The following SYTL5 variants were observed in gnomAD, a reference collection of about 807,000 sequenced individuals.
The protein encoded by SYTL5 is synaptotagmin-like protein 5.
Under a neutral mutation model 55.9 loss-of-function variants are expected in SYTL5, and 34 were observed. That is an observed-to-expected ratio of 0.61 (90% CI 0.46 to 0.81). The LOEUF is 0.81. Among genes scored for constraint, SYTL5 ranks in the 30% least tolerant of loss-of-function variants. SYTL5 has a pLI of 0.00. For synonymous variants in SYTL5, 221 were observed against 188.7 expected (o/e 1.17, Z -1.40); for missense variants, 637 against 546.7 (o/e 1.17, Z -1.65).
chrX:38,071,925 C>G, intron 3 of SYTL5, 122 bp from the exon 4 acceptor site: 1 of 478,918 alleles, frequency 2.1e-6, no homozygotes, highest in Non-Finnish European at 3.7e-6. Flanking sequence ...CCATAAAATA[C>G]TCCAGAGATT....
chrX:38,018,897 C>T (rs1363688458), intron 1 of SYTL5, among the ~76,000 whole-genome samples: 1 of 111,915 alleles, frequency 8.9e-6, no homozygotes, highest in African/African-American at 3.3e-5. Flanking sequence ...TTCCTAATCT[C>T]TCCCTGGCAC....
At chrX:38,001,881 A>G (rs1208588330), upstream of SYTL5, among the ~76,000 whole-genome samples, 1 of 110,989 alleles carries the variant, frequency 9.0e-6, no homozygotes, top group Non-Finnish European at 1.9e-5. Flanking sequence ...ATTTTTTACT[A>G]TACTTTAAGT....
chrX:37,986,856 T>C, the SYTL5 span, among the ~76,000 whole-genome samples: 1 of 111,895 alleles, frequency 8.9e-6, no homozygotes, highest in Non-Finnish European at 1.9e-5. Context: ...TTATAACTCA[T>C]AAGAGTTTTA....
chrX:37,892,605 T>A, the SYTL5 span, among the ~76,000 whole-genome samples: 1 of 95,089 alleles, frequency 1.1e-5, no homozygotes, highest in Non-Finnish European at 2.0e-5. Context: ...TGTATGTATA[T>A]AATTGTATAT....
chrX:37,987,749 C>G, the SYTL5 span, among the ~76,000 whole-genome samples: 1 of 112,064 alleles, frequency 8.9e-6, no homozygotes, highest in African/African-American at 3.2e-5. Flanking sequence ...ACCCTTATTT[C>G]TTTGTGTGAG....
At chrX:38,103,557 G>A (rs936413479) in intron 10 of SYTL5, among the ~76,000 whole-genome samples, 15 of 110,472 alleles carry the variant, frequency 1.4e-4, no homozygotes, top group African/African-American at 4.9e-4. Flanking sequence ...AGTGATATAA[G>A]GAGGTAATCA....
chrX:38,064,458 T>C (rs1233678975), intron 3 of SYTL5, among the ~76,000 whole-genome samples: 3 of 111,607 alleles, frequency 2.7e-5, no homozygotes, highest in Non-Finnish European at 5.7e-5. Context: ...GCTTTTCATA[T>C]ATTTATTAGC....
At chrX:38,104,561 G>A (rs1049651692) in intron 10 of SYTL5, among the ~76,000 whole-genome samples, 2 of 112,019 alleles carry the variant, frequency 1.8e-5, no homozygotes, top group Non-Finnish European at 3.8e-5. Flanking sequence ...TGCCCGTGAA[G>A]AAGCTTAGAA....
chrX:37,996,941 G>A, the SYTL5 span, among the ~76,000 whole-genome samples: 1 of 112,454 alleles, frequency 8.9e-6, no homozygotes, highest in African/African-American at 3.2e-5. Flanking sequence ...CTGGACAGCA[G>A]ATGAGATCAT....
intron 3 of SYTL5, among the ~76,000 whole-genome samples, chrX:38,061,633 A>G (rs985124469): frequency 1.8e-5 from 2 of 111,953 alleles, no homozygotes; most frequent in Non-Finnish European, 3.8e-5. Context: ...CGATTACAGC[A>G]AGGACTGACA....
the SYTL5 span, among the ~76,000 whole-genome samples, chrX:37,985,885 T>C: frequency 2.7e-5 from 3 of 111,562 alleles, no homozygotes; most frequent in African/African-American, 9.8e-5. Flanking sequence ...TATAGTCAAA[T>C]GATTTTTGAC....
At chrX:37,963,648 T>C in the SYTL5 span, among the ~76,000 whole-genome samples, 1 of 112,017 alleles carries the variant, frequency 8.9e-6, no homozygotes, top group Non-Finnish European at 1.9e-5. Context: ...CTGGAGTATT[T>C]AGGGTTTTCT....
the SYTL5 span, among the ~76,000 whole-genome samples, chrX:37,954,338 A>G: frequency 9.0e-6 from 1 of 111,707 alleles, no homozygotes; most frequent in Admixed American, 9.5e-5. Flanking sequence ...TTGTCTTCTC[A>G]CCCAGTCTGT....
At chrX:37,904,324 T>C in the SYTL5 span, among the ~76,000 whole-genome samples, 1 of 103,955 alleles carries the variant, frequency 9.6e-6, no homozygotes, top group African/African-American at 3.5e-5. Context: ...TTCATTAAAA[T>C]TAAACTTGAA....
At chrX:37,981,010 C>G in the SYTL5 span, among the ~76,000 whole-genome samples, 2 of 112,294 alleles carry the variant, frequency 1.8e-5, no homozygotes, top group African/African-American at 3.2e-5. Context: ...GTGCCATTAT[C>G]TCCATTCCCA....
intron 1 of SYTL5, among the ~76,000 whole-genome samples, chrX:38,009,468 C>T: frequency 1.8e-5 from 2 of 112,151 alleles, no homozygotes; most frequent in Non-Finnish European, 3.8e-5. Flanking sequence ...TGGTTTCTCA[C>T]ATTTGAAATC....
At chrX:37,915,601 CA>C in the SYTL5 span, among the ~76,000 whole-genome samples, 1 of 112,219 alleles carries the variant, frequency 8.9e-6, no homozygotes, top group African/African-American at 3.2e-5. Context: ...ATGATATCTA[CA>C]ATAACTGTAA....
intron 13 of SYTL5, among the ~76,000 whole-genome samples, chrX:38,119,503 A>G (rs1362827084): frequency 8.9e-6 from 1 of 112,636 alleles, no homozygotes; most frequent in Non-Finnish European, 1.9e-5. Context: ...TGTTGCATTT[A>G]TCAATAGTCT....
At chrX:38,028,584 A>C (rs1355727803) in intron 1 of SYTL5, among the ~76,000 whole-genome samples, 1 of 112,011 alleles carries the variant, frequency 8.9e-6, no homozygotes, top group East Asian at 2.8e-4. Flanking sequence ...AAGGATCAGC[A>C]ACGTTTTAAG....
Sources: allele counts gnomAD v4.1 joint callset (sites outside exome capture counted in the v4.1 genomes callset), GRCh38; gene constraint gnomAD v4.1.1; transcripts MANE v1.5; gene names NCBI Gene and HGNC (gene_info 2026-07-23, HGNC 2026-07-21).